Variants in ARHGAP26 observed in about 807,000 individuals in gnomAD.
ARHGAP26 encodes the protein Rho GTPase activating protein 26, also known as rho GTPase-activating protein 26.
Under a neutral mutation model 104.8 loss-of-function variants are expected in ARHGAP26, and 38 were observed. That is an observed-to-expected ratio of 0.36 (90% confidence interval 0.28 to 0.48). The LOEUF (loss-of-function observed/expected upper bound fraction) is 0.48, where lower values mean the gene tolerates loss of function less well. Among genes scored for constraint, ARHGAP26 ranks in the 20% least tolerant of loss-of-function variants. ARHGAP26 has a pLI of 0.99. For synonymous variants in ARHGAP26, 341 were observed against 340.0 expected, an observed-to-expected ratio of 1.00 and a Z score of -0.03; for missense variants, 704 against 947.9, an observed-to-expected ratio of 0.74 and a Z score of 3.38.
chr5:142,790,398 G>C (rs369323726), intron 1 of ARHGAP26, among the ~76,000 whole-genome samples: 1 of 152,100 alleles, frequency 6.6e-6, no homozygotes, highest in Admixed American at 6.5e-5. Flanking sequence ...TCCTGTTTTT[G>C]TAGGCAGAAT....
rs1754986488 is a variant in ARHGAP26, at chr5:142,770,578, T to G, written c.-184T>G. The G allele has an allele frequency of 7.7e-6, 2 of 258,972 alleles. No individual in the cohort carries two copies. The highest frequency in any genetic ancestry group is 1.7e-4 in the East Asian group (2 of 11,822). The allele number at this position is 258,972 out of a possible 1,614,324, so 16.0% of individuals were successfully genotyped here. A position where few individuals can be genotyped will look rare whatever the true frequency, so the allele number is the denominator to read the frequency against. ...CCGGAACAGCAGCACCTCGGCCGGG[T>G]CCGAGCTCGGTTCGGGAGTCTTGCG... On this transcript the variant is annotated 5_prime_UTR_variant, in exon 1 of 23. Transcript: ENST00000645722.
chr5:142,837,802 A>G (rs1207766350), intron 1 of ARHGAP26, among the ~76,000 whole-genome samples: 1 of 152,198 alleles, frequency 6.6e-6, no homozygotes, highest in African/African-American at 2.4e-5. Flanking sequence ...TTTTCTTAGG[A>G]CTAACTCAAA....
chr5:142,998,192 A>G (rs572718325), intron 11 of ARHGAP26, among the ~76,000 whole-genome samples: 2 of 152,300 alleles, frequency 1.3e-5, no homozygotes, highest in Admixed American at 6.5e-5. Flanking sequence ...TAGATTTCAT[A>G]TTTATATTTA....
At chr5:143,066,270 A>G (rs1244971051) in intron 17 of ARHGAP26, among the ~76,000 whole-genome samples, 1 of 152,234 alleles carries the variant, frequency 6.6e-6, no homozygotes, top group Non-Finnish European at 1.5e-5. Context: ...AGGCTCGACC[A>G]TCTATCTGGG....
chr5:142,994,892 A>G (rs775387352), intron 11 of ARHGAP26, among the ~76,000 whole-genome samples: 2 of 152,232 alleles, frequency 1.3e-5, no homozygotes, highest in African/African-American at 2.4e-5. Context: ...CAGTTGCTAG[A>G]TGAAAATAGG....
intron 17 of ARHGAP26, among the ~76,000 whole-genome samples, chr5:143,105,376 CAAAA>C (rs1599034271): frequency 2.6e-5 from 2 of 77,920 alleles, no homozygotes; most frequent in Non-Finnish European, 2.8e-5. Flanking sequence ...AGCTCCATCT[CAAAA>C]ATAAATAAAT....
At chr5:142,942,684 A>G (rs993970241) in intron 11 of ARHGAP26, among the ~76,000 whole-genome samples, 5 of 152,192 alleles carry the variant, frequency 3.3e-5, no homozygotes, top group African/African-American at 1.2e-4. Flanking sequence ...GACTTTTCCT[A>G]TGAAGTGCTT....
chr5:143,228,585 G>A lies in ARHGAP26; in HGVS notation c.*6139G>A, dbSNP rs1811838887. Reference sequence around the variant, plus strand: ...CTAAAAGACATTTTGTCCACATTTTGGAAAAGAAAATATTTGCATGTTTAA... The same window carrying A: ...CTAAAAGACATTTTGTCCACATTTTAGAAAAGAAAATATTTGCATGTTTAA... On this transcript the variant is annotated 3_prime_UTR_variant, in exon 23 of 23. Transcript: ENST00000645722. 2 of 216,606 alleles carry A rather than the reference G, an allele frequency of 9.2e-6. No individual in the cohort carries two copies. Among genetic ancestry groups the A allele is most frequent in the Non-Finnish European group, 9.3e-6 (1 of 107,426 alleles). The allele number at this position is 216,606 out of a possible 1,614,324, so 13.4% of individuals were successfully genotyped here.
intron 1 of ARHGAP26, among the ~76,000 whole-genome samples, chr5:142,776,491 A>G (rs1483739121): frequency 1.3e-5 from 2 of 152,232 alleles, no homozygotes; most frequent in South Asian, 4.1e-4. Context: ...AAATGGAATC[A>G]TATAATATGT....
intron 17 of ARHGAP26, among the ~76,000 whole-genome samples, chr5:143,094,112 C>G (rs2150554314): frequency 6.6e-6 from 1 of 152,370 alleles, no homozygotes; most frequent in South Asian, 2.1e-4. Flanking sequence ...CTCCCCCGCC[C>G]CCGCGGCTTT....
chr5:142,801,860 G>A (rs1762130928), intron 1 of ARHGAP26, among the ~76,000 whole-genome samples: 2 of 152,166 alleles, frequency 1.3e-5, no homozygotes, highest in African/African-American at 4.8e-5. Flanking sequence ...CTTTAAATCC[G>A]TGCTGTTGAT....
chr5:142,874,297 T>C (rs1755763161), intron 2 of ARHGAP26, among the ~76,000 whole-genome samples: 2 of 152,258 alleles, frequency 1.3e-5, no homozygotes, highest in East Asian at 1.9e-4. Context: ...TATTCTTCTA[T>C]AGGCACCTTG....
chr5:142,896,010 G>T (rs1759430583), intron 6 of ARHGAP26, among the ~76,000 whole-genome samples: 1 of 149,458 alleles, frequency 6.7e-6, no homozygotes, highest in African/African-American at 2.5e-5. Flanking sequence ...CAGCAGTGTG[G>T]TTTCAGTCAA....
chr5:142,931,991 C>T, intron 10 of ARHGAP26, 56 bp from the exon 11 acceptor site: 1 of 1,531,750 alleles, frequency 6.5e-7, no homozygotes, highest in Non-Finnish European at 9.0e-7. Context: ...TTTGCCTTCA[C>T]CAATCTCTCT....
intron 1 of ARHGAP26, among the ~76,000 whole-genome samples, chr5:142,774,739 C>A (rs572311569): frequency 6.6e-6 from 1 of 152,134 alleles, no homozygotes; most frequent in South Asian, 2.1e-4. Context: ...ACCTATTCAT[C>A]CCTCCCTCCC....
At chr5:142,846,213 C>T (rs1771912979) in intron 1 of ARHGAP26, among the ~76,000 whole-genome samples, 2 of 152,164 alleles carry the variant, frequency 1.3e-5, no homozygotes, top group African/African-American at 4.8e-5. Flanking sequence ...CCTGTTGGGC[C>T]ACAGTTACCT....
chr5:142,928,459 C>G (rs962564390), intron 10 of ARHGAP26, among the ~76,000 whole-genome samples: 1 of 152,018 alleles, frequency 6.6e-6, no homozygotes, highest in East Asian at 1.9e-4. Flanking sequence ...TCATTTAATC[C>G]CGTGCAGGAG....
At chr5:143,161,408 C>T (rs1206211038) in intron 20 of ARHGAP26, among the ~76,000 whole-genome samples, 1 of 152,202 alleles carries the variant, frequency 6.6e-6, no homozygotes, top group African/African-American at 2.4e-5. Flanking sequence ...CTCCAGCCCC[C>T]AACCAACATT....
At chr5:143,091,685 A>G (rs1791453495) in intron 17 of ARHGAP26, among the ~76,000 whole-genome samples, 1 of 152,248 alleles carries the variant, frequency 6.6e-6, no homozygotes, top group African/African-American at 2.4e-5. Flanking sequence ...ACATCTGACC[A>G]TAAGGTAAGA....
Sources: allele counts gnomAD v4.1 joint callset (sites outside exome capture counted in the v4.1 genomes callset), GRCh38; gene constraint gnomAD v4.1.1; transcripts MANE v1.5; gene names NCBI Gene and HGNC (gene_info 2026-07-23, HGNC 2026-07-21).